DENND2C: variants seen among roughly 807,000 people sequenced by gnomAD.
DENND2C encodes the protein DENN domain containing 2C.
In DENND2C, 72 loss-of-function variants were observed where a neutral mutation model predicts 112.4. The ratio of observed to expected loss-of-function variants is 0.64; its 90% confidence interval spans 0.53 to 0.78. The LOEUF is 0.78. Among genes scored for constraint, DENND2C ranks in the 30% least tolerant of loss-of-function variants. DENND2C has a pLI of 0.00. For synonymous variants in DENND2C, 329 were observed against 381.6 expected (o/e 0.86, Z 1.61); for missense variants, 992 against 1,113.8 (o/e 0.89, Z 1.56).
chr1:114,635,353 A>T (rs2101676104), intron 3 of DENND2C, among the ~76,000 whole-genome samples: 1 of 151,872 alleles, frequency 6.6e-6, no homozygotes, highest in East Asian at 1.9e-4. Flanking sequence ...AATGAAATAG[A>T]TGAACATAGG....
At chr1:114,623,963 T>A (rs959417977) in intron 4 of DENND2C, among the ~76,000 whole-genome samples, 1 of 152,238 alleles carries the variant, frequency 6.6e-6, no homozygotes, top group Non-Finnish European at 1.5e-5. Flanking sequence ...CTTGAACTCC[T>A]GACTTCAGGT....
chr1:114,630,233 G>A (rs1046702196), intron 3 of DENND2C, among the ~76,000 whole-genome samples: 1 of 152,018 alleles, frequency 6.6e-6, no homozygotes, highest in Admixed American at 6.6e-5. Context: ...GCTTGAACCC[G>A]GGAGGTAGAG....
rs181898692 is a variant in DENND2C at position 114,665,115 on chromosome 1, A to G, written c.-574+4868T>C. ...TCTCAAGAAAAATAAAATAAAAAAT[A>G]AAAATTAGCAGGGGGTGGTGGTGCA... On this transcript the variant is annotated intron_variant, in intron 1 of 20. Transcript: ENST00000393274. 7.2e-5 allele frequency among the ~76,000 whole-genome samples: 11 copies of G among 151,742 alleles called. No individual in the cohort carries two copies. The East Asian group carries it at 2.0e-3, about 27-fold the overall frequency.
intron 4 of DENND2C, 91 bp from the exon 5 acceptor site, chr1:114,623,734 TTGTTTTA>T: frequency 1.1e-6 from 1 of 905,702 alleles, no homozygotes; most frequent in Non-Finnish European, 1.4e-6. Context: ...GTTTGATTGT[TTGTTTTA>T]TTATTATTTT....
rs368033699 is a variant in DENND2C at position 114,623,602 on chromosome 1, C to T, written c.848G>A (p.Arg283Gln). 49 of 1,605,974 alleles carry T rather than the reference C, an allele frequency of 3.1e-5. No individual in the cohort carries two copies. Among genetic ancestry groups the T allele is most frequent in the African/African-American group, 5.4e-5 (4 of 74,552 alleles). Residue 283 changes from arginine (R) to glutamine (Q), a missense_variant, in exon 5 of 21, where the codon CGG (arginine) becomes CAG (glutamine). Arg to Gln is a conservative substitution (Grantham distance 43, BLOSUM62 1). Around this residue, in one of 3 missense-constraint regions of DENND2C, gnomAD observed 470 missense variants for 472.7 expected, o/e 0.99. Transcript: ENST00000393274. ...EFEDIQHFRN[R>Q]NSQTIREELG... ...TTCTTCACGAATCGTCTGTGAGTTC[C>T]GATTTCGAAAGTGCTGAATATCCTC...
intron 16 of DENND2C, among the ~76,000 whole-genome samples, chr1:114,596,146 G>A (rs1277126374): frequency 1.3e-5 from 2 of 152,220 alleles, no homozygotes; most frequent in Non-Finnish European, 2.9e-5. Flanking sequence ...GCCGAGGCAG[G>A]AGGATCTCTT....
chr1:114,656,230 G>A (rs1270039419), intron 1 of DENND2C, among the ~76,000 whole-genome samples: 2 of 151,700 alleles, frequency 1.3e-5, no homozygotes, highest in Non-Finnish European at 2.9e-5. Context: ...CACCATGCCT[G>A]GCTAATTGTT....
chr1:114,612,351 ATTT>A (rs376474647), intron 8 of DENND2C, among the ~76,000 whole-genome samples: 4 of 139,158 alleles, frequency 2.9e-5, no homozygotes, highest in Admixed American at 1.5e-4. Flanking sequence ...GCAGTTATAA[ATTT>A]TTTTTTTTTT....
Position 114,625,174 on chromosome 1 carries a change from C to A in DENND2C, c.806+5G>T. 1 of 1,594,926 alleles carries A rather than the reference C, an allele frequency of 6.3e-7. No homozygotes were observed. The highest frequency in any genetic ancestry group is 1.8e-5 in the Admixed American group (1 of 55,758). ...CAAGTCTTTATCTGTAGGATAAAAA[C>A]ATACCTTTTAGATCTTCCTCTGATT... On this transcript the variant is annotated splice_donor_5th_base_variant and intron_variant, in intron 4 of 20. Transcript: ENST00000393274.
chr1:114,622,141 T>A, intron 6 of DENND2C, 76 bp from the exon 7 acceptor site: 1 of 1,409,832 alleles, frequency 7.1e-7, no homozygotes, highest in Non-Finnish European at 9.4e-7. Context: ...TGAGATGGGG[T>A]CTTGCTCTGT....
chr1:114,586,436 TTAA>T (rs1370041948), intron 20 of DENND2C, among the ~76,000 whole-genome samples: 6 of 152,146 alleles, frequency 3.9e-5, no homozygotes, highest in Admixed American at 2.0e-4. Context: ...CTAGAAATGA[TTAA>T]TAATGATGAT....
chr1:114,637,918 C>T (rs1476382535), intron 3 of DENND2C, among the ~76,000 whole-genome samples: 1 of 152,060 alleles, frequency 6.6e-6, no homozygotes, highest in Non-Finnish European at 1.5e-5. Context: ...AAAATCACAG[C>T]AGGTTTTGCT....
At chr1:114,602,008 A>G in intron 12 of DENND2C, 117 bp downstream of exon 12, 1 of 964,708 alleles carries the variant, frequency 1.0e-6, no homozygotes, top group Non-Finnish European at 1.6e-6. Flanking sequence ...CAGCTTCCTT[A>G]ATACACAGAT....
intron 3 of DENND2C, among the ~76,000 whole-genome samples, chr1:114,642,898 G>T (rs1039075313): frequency 6.6e-6 from 1 of 152,204 alleles, no homozygotes; most frequent in Non-Finnish European, 1.5e-5. Flanking sequence ...AAGATCAGTT[G>T]AAAGTTTTTC....
At chr1:114,645,825 A>G (rs909021517) in intron 2 of DENND2C, among the ~76,000 whole-genome samples, 2 of 151,968 alleles carry the variant, frequency 1.3e-5, no homozygotes, top group African/African-American at 4.8e-5. Flanking sequence ...AGAGCTTTAC[A>G]GATAACACAT....
intron 3 of DENND2C, among the ~76,000 whole-genome samples, chr1:114,642,151 C>T (rs1429513511): frequency 6.6e-6 from 1 of 152,114 alleles, no homozygotes; most frequent in Non-Finnish European, 1.5e-5. Context: ...GGGTTTCACC[C>T]TGTTGGGCCG....
intron 3 of DENND2C, among the ~76,000 whole-genome samples, chr1:114,639,506 C>T (rs1195458063): frequency 2.0e-5 from 3 of 151,154 alleles, no homozygotes; most frequent in Non-Finnish European, 4.4e-5. Flanking sequence ...TGCTTGAACC[C>T]ATGAGGTGGA....
chr1:114,651,305 A>ACACACACACACACACACG (rs1553237775), intron 2 of DENND2C, among the ~76,000 whole-genome samples: 5 of 150,196 alleles, frequency 3.3e-5, no homozygotes, highest in Non-Finnish European at 7.4e-5. Flanking sequence ...ACACACACAC[A>ACACACACACACACACACG]CGCCAAGTAT....
chr1:114,656,083 C>T (rs1260764866), intron 1 of DENND2C, among the ~76,000 whole-genome samples: 1 of 149,918 alleles, frequency 6.7e-6, no homozygotes, highest in Non-Finnish European at 1.5e-5. Flanking sequence ...TCTTTTTTTT[C>T]GGAGATGGGG....
Sources: gnomAD v4.1 joint callset for allele counts (sites outside exome capture counted in the v4.1 genomes callset) on GRCh38, gnomAD v4.1.1 for gene constraint, gnomAD v4.1.1 regional missense constraint, MANE v1.5 for transcripts, NCBI Gene and HGNC (gene_info 2026-07-23, HGNC 2026-07-21) for gene names.